The following ULK4 variants were observed in gnomAD, a reference collection of about 807,000 sequenced individuals.
ULK4 encodes the protein inactive serine/threonine-protein kinase ULK4.
In ULK4, 133 loss-of-function variants were observed where a neutral mutation model predicts 160.6. The ratio of observed to expected loss-of-function variants is 0.83; its 90% confidence interval spans 0.72 to 0.96. ULK4 has a LOEUF of 0.96. Ranked by LOEUF, ULK4 falls within the 40% of genes least tolerant of loss-of-function variation. ULK4 has a pLI of 0.00. For synonymous variants in ULK4, 534 were observed against 539.8 expected, an observed-to-expected ratio of 0.99 and a Z score of 0.15; for missense variants, 1,580 against 1,499.5, an observed-to-expected ratio of 1.05 and a Z score of -0.89.
At chr3:41,887,888 T>TA (rs1697782051) in intron 16 of ULK4, among the ~76,000 whole-genome samples, 1 of 151,112 alleles carries the variant, frequency 6.6e-6, no homozygotes, top group African/African-American at 2.4e-5. Flanking sequence ...TTTGGCCAGG[T>TA]AAAGTGACTC....
At chr3:41,319,044 G>T (rs1319312486) in intron 35 of ULK4, among the ~76,000 whole-genome samples, 1 of 152,146 alleles carries the variant, frequency 6.6e-6, no homozygotes, top group Non-Finnish European at 1.5e-5. Context: ...TGTAAAACAG[G>T]TCTATGAAAA....
intron 35 of ULK4, among the ~76,000 whole-genome samples, chr3:41,345,555 G>T (rs1467544257): frequency 1.3e-5 from 2 of 152,198 alleles, no homozygotes; most frequent in East Asian, 1.9e-4. Context: ...GTTCTCACTT[G>T]TAAGTGGGAG....
intron 27 of ULK4, among the ~76,000 whole-genome samples, chr3:41,696,757 G>A (rs2036518184): frequency 6.6e-6 from 1 of 152,168 alleles, no homozygotes; most frequent in South Asian, 2.1e-4. Context: ...ATCTTGAGAG[G>A]AGAGAGTTAT....
intron 32 of ULK4, among the ~76,000 whole-genome samples, chr3:41,548,081 G>A (rs1044207854): frequency 6.6e-6 from 1 of 152,132 alleles, no homozygotes; most frequent in Non-Finnish European, 1.5e-5. Context: ...AGGACTTGAG[G>A]ATGGGCTCAT....
intron 17 of ULK4, among the ~76,000 whole-genome samples, chr3:41,867,537 A>G (rs1302026196): frequency 6.6e-6 from 1 of 152,158 alleles, no homozygotes; most frequent in African/African-American, 2.4e-5. Context: ...ATGCCCAGAT[A>G]ATTTTTGTAC....
intron 36 of ULK4, among the ~76,000 whole-genome samples, chr3:41,249,011 G>A (rs2078696329): frequency 6.6e-6 from 1 of 152,202 alleles, no homozygotes; most frequent in Non-Finnish European, 1.5e-5. Flanking sequence ...GGCTGAGGAA[G>A]GTAACCTGGT....
At position 41,918,535 on chromosome 3, in the gene ULK4, G is replaced by C. The variant is rs199887125; in HGVS notation, c.649C>G (p.Pro217Ala). 51 of 1,563,006 alleles carry C rather than the reference G, an allele frequency of 3.3e-5. 1 individual carries two copies. The highest frequency in any genetic ancestry group is 4.3e-5 in the Non-Finnish European group (50 of 1,154,966). The change falls in exon 7 of 37, where the codon CCT becomes GCT. Residue 217 changes from proline to alanine, a missense_variant. Physicochemically the swap from Pro to Ala is conservative, Grantham distance 27. Coordinates refer to ENST00000301831, the MANE Select transcript of ULK4 (RefSeq NM_017886.4). The stretch of plus-strand genomic sequence containing the variant: ...GAAATACTTTCTGAGAAGAATGGAG[G>C]TTTTCCTGAAATCACATGAAAACTT... The part of the protein sequence containing the change: ...CLLYEMFSGK[P>A]PFFSESISEL...
intron 18 of ULK4, among the ~76,000 whole-genome samples, chr3:41,830,088 T>A (rs1379832984): frequency 1.3e-5 from 2 of 152,000 alleles, no homozygotes; most frequent in Non-Finnish European, 2.9e-5. Flanking sequence ...TAGGTGGGAA[T>A]TGAACAACGA....
chr3:41,923,122 C>G (rs1449760863), intron 5 of ULK4, among the ~76,000 whole-genome samples: 1 of 150,158 alleles, frequency 6.7e-6, no homozygotes, highest in Non-Finnish European at 1.5e-5. Context: ...GAGCCGAGAT[C>G]ACACCATTGC....
intron 35 of ULK4, among the ~76,000 whole-genome samples, chr3:41,393,100 G>T (rs1019010614): frequency 1.3e-5 from 2 of 152,176 alleles, no homozygotes; most frequent in African/African-American, 4.8e-5. Context: ...ACCTATATGT[G>T]TCTGCAAAGT....
chr3:41,420,738 G>C (rs2082645248), intron 34 of ULK4, among the ~76,000 whole-genome samples: 1 of 150,516 alleles, frequency 6.6e-6, no homozygotes, highest in South Asian at 2.1e-4. Context: ...GCCTCCCTCG[G>C]CCTCCGAAAA....
intron 32 of ULK4, among the ~76,000 whole-genome samples, chr3:41,526,813 T>A (rs1227822081): frequency 7.2e-5 from 11 of 152,236 alleles, no homozygotes; most frequent in African/African-American, 9.6e-5. Context: ...TAGGGTTTTT[T>A]AAAAATTTCC....
intron 34 of ULK4, among the ~76,000 whole-genome samples, chr3:41,406,481 T>C (rs2082296295): frequency 6.6e-6 from 1 of 152,222 alleles, no homozygotes; most frequent in Non-Finnish European, 1.5e-5. Flanking sequence ...AATTTTAGAA[T>C]GGCTTTTTGT....
intron 34 of ULK4, among the ~76,000 whole-genome samples, chr3:41,429,774 G>A (rs2082861725): frequency 6.6e-6 from 1 of 152,078 alleles, no homozygotes; most frequent in Non-Finnish European, 1.5e-5. Flanking sequence ...AGAGCACCAG[G>A]ATAAATAGCT....
At chr3:41,771,339 T>C (rs1469618796) in intron 21 of ULK4, among the ~76,000 whole-genome samples, 1 of 152,110 alleles carries the variant, frequency 6.6e-6, no homozygotes, top group South Asian at 2.1e-4. Context: ...TCAGAAGAAA[T>C]AGGATGAAAT....
intron 34 of ULK4, among the ~76,000 whole-genome samples, chr3:41,416,426 A>T (rs980852394): frequency 6.6e-6 from 1 of 152,100 alleles, no homozygotes; most frequent in Non-Finnish European, 1.5e-5. Flanking sequence ...CACCCTCCCA[A>T]TTTCTTCATG....
Position 41,681,784 on chromosome 3 carries a change from TG to T in ULK4, c.2801del (p.Pro934HisfsTer30). On this transcript the variant is annotated frameshift_variant, in exon 28 of 37. Coordinates refer to ENST00000301831, the MANE Select transcript of ULK4 (RefSeq NM_017886.4). LOFTEE classifies it high-confidence loss of function. ...YRSTVVDYILPPLVSLVQSQN... is the reference protein window; with the variant it reads ...YRSTVVDYILXPLVSLVQSQN... ...GGCTTTGAACCAAGGACACCAAGGG[TG>T]GCAGTATATAGTCAACAACCTAAAA... 6.2e-7 allele frequency: 1 copy of T among 1,614,026 alleles called. No individual in the cohort carries two copies. The highest frequency in any genetic ancestry group is 8.5e-7 in the Non-Finnish European group (1 of 1,179,952).
At chr3:41,330,791 C>A (rs1345828469) in intron 35 of ULK4, among the ~76,000 whole-genome samples, 1 of 152,148 alleles carries the variant, frequency 6.6e-6, no homozygotes, top group Non-Finnish European at 1.5e-5. Flanking sequence ...GTCTGAGGTT[C>A]TGGGTTTTTA....
chr3:41,343,583 C>T (rs934880778), intron 35 of ULK4, among the ~76,000 whole-genome samples: 1 of 151,998 alleles, frequency 6.6e-6, no homozygotes, highest in Non-Finnish European at 1.5e-5. Flanking sequence ...GGATTACAGG[C>T]GTGAGCCACC....
Sources: gnomAD v4.1 joint callset for allele counts (sites outside exome capture counted in the v4.1 genomes callset) on GRCh38, gnomAD v4.1.1 for gene constraint, MANE v1.5 for transcripts, NCBI Gene and HGNC (gene_info 2026-07-23, HGNC 2026-07-21) for gene names.